Variants in CEP170B observed in about 807,000 individuals in gnomAD.
CEP170B encodes the protein centrosomal protein of 170 kDa protein B.
CEP170B carries 55 observed loss-of-function variants against 120.6 expected under a neutral mutation model. The observed-to-expected ratio is 0.46, with a 90% CI of 0.37 to 0.57. The LOEUF (loss-of-function observed/expected upper bound fraction) is 0.57. Among genes scored for constraint, CEP170B ranks in the 20% least tolerant of loss-of-function variants. The pLI is 0.00. For missense variants in CEP170B, 2,212 were observed against 2,253.3 expected (o/e 0.98, Z 0.37); for synonymous variants, 1,033 against 954.5 (o/e 1.08, Z -1.52).
chr14:104,894,412 C>T (rs766777635), intron 17 of CEP170B, 34 bp downstream of exon 17: 1 of 1,606,520 alleles, frequency 6.2e-7, no homozygotes, highest in Non-Finnish European at 8.5e-7. Context: ...CTTGGCCTGC[C>T]CCCAGCCAGC....
Position 104,886,431 on chromosome 14 carries a change from A to G in CEP170B, c.2192A>G (p.Glu731Gly), listed in dbSNP as rs769077599. The G allele has an allele frequency of 6.3e-7, 1 of 1,577,412 alleles. No homozygotes were observed. The highest frequency in any genetic ancestry group is 2.3e-5 in the East Asian group (1 of 42,974). ...SGPGPPELDS[E>G]QPSRLFGQEE... ...CCTGGGCCACCGGAGCTGGACAGTGAGCAGCCCAGCCGCCTCTTCGGCCAG... is the reference window on the plus strand; with the variant it reads ...CCTGGGCCACCGGAGCTGGACAGTGGGCAGCCCAGCCGCCTCTTCGGCCAG... Residue 731 changes from glutamate (E) to glycine (G), a missense_variant, in exon 12 of 19, where the codon GAG becomes GGG. Physicochemically the swap from Glu to Gly is moderately conservative, Grantham distance 98. This residue lies in a region of CEP170B where 2,166 missense variants were observed against 2,166.7 expected (regional missense o/e 1.00). Transcript: ENST00000414716.
chr14:104,868,375 C>A lies in CEP170B; in HGVS notation c.-27-49C>A. ...CTGGGCCTTGGATGTGTCCAGGGGGCTAAGAACCAGGCCAGGGAGCCCCAC... is the reference window on the plus strand; with the variant it reads ...CTGGGCCTTGGATGTGTCCAGGGGGATAAGAACCAGGCCAGGGAGCCCCAC... On this transcript the variant is annotated intron_variant, in intron 1 of 18. Coordinates refer to ENST00000414716, the MANE Select transcript of CEP170B (RefSeq NM_001112726.3). This position sits in a 1 kb window ranked among gnomAD's most constrained non-coding sequence, Gnocchi z 5.9. 7.4e-7 allele frequency: 1 copy of A among 1,352,292 alleles called. No individual in the cohort carries two copies. Among genetic ancestry groups the A allele is most frequent in the Non-Finnish European group, 1.0e-6 (1 of 979,878 alleles). The allele number at this position is 1,352,292 out of a possible 1,614,324, so 83.8% of individuals were successfully genotyped here.
chr14:104,887,788 T>C lies in CEP170B; in HGVS notation c.3549T>C (p.Thr1183=). 6.3e-7 allele frequency: 1 copy of C among 1,586,706 alleles called. No homozygotes were observed. ...AGCGGGCCGGCTCCTTCACAGGGAC[T>C]AGTGACCCCGAGGCAGCCCCTGCCC... ...PRKRAGSFTG[T]SDPEAAPART... The change falls in exon 12 of 19, where the codon ACT becomes ACC. Residue 1183 remains threonine, a synonymous_variant. Transcript: ENST00000414716.
At chr14:104,877,656 G>T (rs758250687) in intron 3 of CEP170B, among the ~76,000 whole-genome samples, 9 of 152,198 alleles carry the variant, frequency 5.9e-5, no homozygotes, top group Non-Finnish European at 1.3e-4. Flanking sequence ...TCCCTGCAGT[G>T]CTGGGTGGGC....
intron 8 of CEP170B, 111 bp from the exon 9 acceptor site, chr14:104,883,720 G>T: frequency 8.4e-7 from 1 of 1,193,032 alleles, no homozygotes. Context: ...GGCCCTGAGG[G>T]CTGGGGTGCT....
chr14:104,873,029 A>T lies in CEP170B; in HGVS notation c.106-3227A>T, dbSNP rs79615627. On this transcript the variant is annotated intron_variant, in intron 2 of 18. Coordinates refer to ENST00000414716, the MANE Select transcript of CEP170B (RefSeq NM_001112726.3). ...AGTCTTGAGCCCTGGGCCGGGGGCC[A>T]CTTCTCATTGGTGGCTGGAGGCTCG... 3.3e-3 allele frequency among the ~76,000 whole-genome samples: 509 copies of T among 152,064 alleles called. 1 individual carries two copies. Among genetic ancestry groups the T allele is most frequent in the African/African-American group, 0.011 (464 of 41,460 alleles).
intron 2 of CEP170B, among the ~76,000 whole-genome samples, chr14:104,869,576 T>C (rs375860503): frequency 2.7e-4 from 41 of 152,318 alleles, no homozygotes; most frequent in Middle Eastern, 3.4e-3. Context: ...GGAAGGTTTG[T>C]GTCCCCTGCA....
chr14:104,880,876 C>T (rs573485221), intron 6 of CEP170B, among the ~76,000 whole-genome samples: 2 of 151,626 alleles, frequency 1.3e-5, no homozygotes, highest in African/African-American at 2.4e-5. Flanking sequence ...TGTGCACACC[C>T]ACATCCCTCA....
intron 13 of CEP170B, among the ~76,000 whole-genome samples, chr14:104,890,614 AAGGATGGATGAGTGGGTGGG>A (rs1896790695): frequency 8.4e-6 from 1 of 119,316 alleles, no homozygotes. Context: ...GGATGGATGG[AAGGATGGATGAGTGGGTGGG>A]TGGATGGATG....
intron 2 of CEP170B, among the ~76,000 whole-genome samples, chr14:104,869,936 G>A (rs892560867): frequency 5.9e-5 from 9 of 152,206 alleles, no homozygotes; most frequent in Non-Finnish European, 1.2e-4. Context: ...CTCCCCAGGC[G>A]TCCTCTGATC....
At chr14:104,876,631 C>G (rs1011994088) in intron 3 of CEP170B, among the ~76,000 whole-genome samples, 11 of 152,168 alleles carry the variant, frequency 7.2e-5, no homozygotes, top group African/African-American at 2.7e-4. Context: ...AGATCGGGCC[C>G]CATCCCCAAC....
rs1896349028 is a variant in CEP170B, at chr14:104,884,540, G to A, written c.1761G>A (p.Met587Ile). The change falls in exon 9 of 19, where the codon ATG (methionine) becomes ATA (isoleucine). Residue 587 changes from methionine (M) to isoleucine (I), a missense_variant. By Grantham distance (10) the Met-to-Ile change is conservative. Around this residue, in one of 2 missense-constraint regions of CEP170B, gnomAD observed 2,166 missense variants for 2,166.7 expected, o/e 1.00. Transcript: ENST00000414716. Reference protein sequence around the residue: ...QDTEVEEARKMIDQVFGVLES... With the variant: ...QDTEVEEARKIIDQVFGVLES... ...CGGAGGTGGAGGAGGCCCGGAAGAT[G>A]ATCGACCAGGTGCAGCCCAGCGGCG... The A allele has an allele frequency of 1.3e-6, 2 of 1,558,434 alleles. No homozygotes were observed. The highest frequency in any genetic ancestry group is 1.4e-5 in the African/African-American group (1 of 73,490).
chr14:104,868,414 T>A lies in CEP170B; in HGVS notation c.-27-10T>A. 6.5e-7 allele frequency: 1 copy of A among 1,538,070 alleles called. No homozygotes were observed. On this transcript the variant is annotated splice_polypyrimidine_tract_variant and intron_variant, in intron 1 of 18. Transcript: ENST00000414716. This position sits in a 1 kb window ranked among gnomAD's most constrained non-coding sequence, Gnocchi z 5.9. Reference sequence around the variant, plus strand: ...AGGGAGCCCCACTCTAACAATCCCCTCTTCCCCAGGGCCAGACGGGCCCAG... The same window carrying A: ...AGGGAGCCCCACTCTAACAATCCCCACTTCCCCAGGGCCAGACGGGCCCAG...
rs1298677082 is a variant in CEP170B, at chr14:104,891,222, C to T, written c.3878+1464C>T. On this transcript the variant is annotated intron_variant, in intron 13 of 18. Transcript: ENST00000414716. This position sits in a 1 kb window ranked among gnomAD's most constrained non-coding sequence, Gnocchi z 4.3. The stretch of plus-strand genomic sequence containing the variant: ...GGTCATTCAGTAACAGGGCCCTCTC[C>T]AGGCCAGGCGCTGGGGAGGATGGGG... 6.6e-6 allele frequency among the ~76,000 whole-genome samples: 1 copy of T among 152,098 alleles called. No homozygotes were observed. Among genetic ancestry groups the T allele is most frequent in the Non-Finnish European group, 1.5e-5 (1 of 68,000 alleles).
In CEP170B at chr14:104,887,105, G is replaced by A. The variant is rs200257503; in HGVS notation, c.2866G>A (p.Val956Met). The stretch of plus-strand genomic sequence containing the variant: ...GGACGCCCTGTCTGGGGACTCGGAC[G>A]TGGACACAGCCAGCACCGTCAGCCT... Reference protein sequence around the residue: ...PEDALSGDSDVDTASTVSLRS... With the variant: ...PEDALSGDSDMDTASTVSLRS... The change falls in exon 12 of 19, where the codon GTG becomes ATG. Residue 956 changes from valine to methionine, a missense_variant. Physicochemically the swap from Val to Met is conservative, Grantham distance 21. This residue lies in a region of CEP170B where 2,166 missense variants were observed against 2,166.7 expected (regional missense o/e 1.00). Coordinates refer to ENST00000414716, the MANE Select transcript of CEP170B (RefSeq NM_001112726.3). The A allele has an allele frequency of 1.8e-4, 284 of 1,611,056 alleles. 4 individuals carry two copies. In the South Asian group the frequency reaches 2.2e-3, roughly 13 times the overall value.
intron 3 of CEP170B, among the ~76,000 whole-genome samples, chr14:104,877,096 G>C (rs1895894385): frequency 6.6e-6 from 1 of 152,078 alleles, no homozygotes; most frequent in African/African-American, 2.4e-5. Context: ...GAGCTGGGGG[G>C]CCCTAGCAGC....
In CEP170B at chr14:104,865,887, C is replaced by G. The variant is rs963567538; in HGVS notation, c.-28+374C>G. Reference sequence around the variant, plus strand: ...CTGGCCTGGTCTCTCCTCCCGCGGTCCCTCCCTCCGTCTTCCTCCTCCTCC... The same window carrying G: ...CTGGCCTGGTCTCTCCTCCCGCGGTGCCTCCCTCCGTCTTCCTCCTCCTCC... On this transcript the variant is annotated intron_variant, in intron 1 of 18. Transcript: ENST00000414716. This position sits in a 1 kb window ranked among gnomAD's most constrained non-coding sequence, Gnocchi z 6.7. 6.6e-5 allele frequency among the ~76,000 whole-genome samples: 10 copies of G among 152,092 alleles called. No homozygotes were observed. Among genetic ancestry groups the G allele is most frequent in the Non-Finnish European group, 5.9e-5 (4 of 67,982 alleles).
intron 5 of CEP170B, among the ~76,000 whole-genome samples, chr14:104,879,699 A>C (rs1333068254): frequency 6.6e-6 from 1 of 152,088 alleles, no homozygotes; most frequent in African/African-American, 2.4e-5. Context: ...GGCAGCCTTC[A>C]GGGGTGGGCA....
intron 2 of CEP170B, among the ~76,000 whole-genome samples, chr14:104,875,768 C>CG (rs957729996): frequency 6.6e-6 from 1 of 152,090 alleles, no homozygotes. Flanking sequence ...ACCTGTCCTC[C>CG]GGGGGGGTGG....
Sources: gnomAD v4.1 joint callset for allele counts (sites outside exome capture counted in the v4.1 genomes callset) on GRCh38, gnomAD v4.1.1 for gene constraint, gnomAD v4.1.1 regional missense constraint, Gnocchi (gnomAD v3.1) non-coding constraint, MANE v1.5 for transcripts, NCBI Gene and HGNC (gene_info 2026-07-23, HGNC 2026-07-21) for gene names.